Variants in URB2 observed in about 807,000 individuals in gnomAD.
URB2 encodes the protein unhealthy ribosome biogenesis protein 2 homolog.
URB2 carries 86 observed loss-of-function variants against 120.9 expected under a neutral mutation model. The ratio of observed to expected loss-of-function variants is 0.71; its 90% confidence interval spans 0.60 to 0.85. The LOEUF (loss-of-function observed/expected upper bound fraction) is 0.85, where lower values mean the gene tolerates loss of function less well. Ranked by LOEUF, URB2 falls within the 40% of genes least tolerant of loss-of-function variation. The probability of loss-of-function intolerance (pLI) is 0.00; values close to 1 mark genes in which losing one functional copy is unlikely to be tolerated. For missense variants in URB2, 1,765 were observed against 1,836.5 expected, an observed-to-expected ratio of 0.96 and a Z score of 0.71; for synonymous variants, 755 against 758.4, an observed-to-expected ratio of 1.00 and a Z score of 0.07.
At chr1:229,631,496 A>C (rs1408393329) in intron 2 of URB2, among the ~76,000 whole-genome samples, 1 of 152,192 alleles carries the variant, frequency 6.6e-6, no homozygotes, top group East Asian at 1.9e-4. Flanking sequence ...ACTAAGCTTA[A>C]TTATTTTTAG....
At chr1:229,639,590 C>A (rs1665951318) in intron 4 of URB2, among the ~76,000 whole-genome samples, 2 of 152,178 alleles carry the variant, frequency 1.3e-5, no homozygotes, top group Non-Finnish European at 2.9e-5. Context: ...CCCACCTCAG[C>A]CTCCCAAAGT....
intron 9 of URB2, 66 bp from the exon 10 acceptor site, chr1:229,659,034 T>C: frequency 6.6e-7 from 1 of 1,523,678 alleles, no homozygotes; most frequent in South Asian, 1.2e-5. Flanking sequence ...CAAGGCATTG[T>C]TGGCAGGTGG....
intron 5 of URB2, 129 bp downstream of exon 5, chr1:229,643,822 G>C (rs1020970701): frequency 1.6e-6 from 2 of 1,280,344 alleles, no homozygotes; most frequent in Non-Finnish European, 2.1e-6. Context: ...TCTAGGCAAA[G>C]GGGGAGGCTG....
At position 229,636,835 on chromosome 1, in the gene URB2, A is replaced by G; in HGVS notation, c.2222A>G (p.His741Arg). ...CTCACATACCCTGTAGCACACTGGC[A>G]CTTGATTGTGTCAAATCTCACAATT... ...SGLTYPVAHW[H>R]LIVSNLTILI... Residue 741 changes from histidine (H) to arginine (R), a missense_variant, in exon 4 of 10, where the codon CAC (histidine) becomes CGC (arginine). Coordinates refer to ENST00000258243, the MANE Select transcript of URB2 (RefSeq NM_014777.4). The G allele has an allele frequency of 6.2e-7, 1 of 1,611,578 alleles. No individual in the cohort carries two copies. Among genetic ancestry groups the G allele is most frequent in the Non-Finnish European group, 8.5e-7 (1 of 1,177,988 alleles).
At chr1:229,643,897 C>T (rs911178985) in intron 5 of URB2, among the ~76,000 whole-genome samples, 7 of 152,212 alleles carry the variant, frequency 4.6e-5, no homozygotes, top group African/African-American at 7.2e-5. Flanking sequence ...AGTTTTCAAA[C>T]GGGAAGTTTT....
At position 229,632,746 on chromosome 1, in the gene URB2, CTTT is replaced by C. The variant is rs994218709; in HGVS notation, c.303+302_303+304del. On this transcript the variant is annotated intron_variant, in intron 3 of 9. Transcript: ENST00000258243. ...GCTTCTCTGATTTGTTTTTCTTCTT[CTTT>C]ACCTTTCTTTTGGGCTAGAGGGAGA... Among the ~76,000 whole-genome samples the C allele has an allele frequency of 4.0e-5, 6 of 150,406 alleles. 1 individual carries two copies. Among genetic ancestry groups the C allele is most frequent in the African/African-American group, 9.8e-5 (4 of 40,866 alleles).
intron 9 of URB2, among the ~76,000 whole-genome samples, chr1:229,658,784 A>T (rs542156877): frequency 1.3e-5 from 2 of 152,306 alleles, no homozygotes; most frequent in African/African-American, 4.8e-5. Flanking sequence ...CCAGTTTTTT[A>T]AAATGCCCCT....
rs531090167 is a variant in URB2 at position 229,638,051 on chromosome 1, G to A, written c.3438G>A (p.Thr1146=). 1.3e-5 allele frequency: 21 copies of A among 1,613,800 alleles called. No individual in the cohort carries two copies. Among genetic ancestry groups the A allele is most frequent in the East Asian group, 8.9e-5 (4 of 44,868 alleles). The part of the protein sequence containing the change: ...GADISQGSDR[T]LLSHVALYQG... ...ACATTTCCCAAGGAAGCGACAGGAC[G>A]CTGCTCTCCCATGTTGCCCTCTACC... The change falls in exon 4 of 10, where the codon ACG becomes ACA. Residue 1146 remains threonine (T), a synonymous_variant. Transcript: ENST00000258243.
intron 7 of URB2, among the ~76,000 whole-genome samples, chr1:229,650,464 T>C (rs1338363944): frequency 6.6e-6 from 1 of 152,098 alleles, no homozygotes; most frequent in Non-Finnish European, 1.5e-5. Flanking sequence ...GGAGTCTCGC[T>C]CTGTCACTCA....
chr1:229,643,227 G>C (rs1666055521), intron 4 of URB2, among the ~76,000 whole-genome samples: 1 of 152,202 alleles, frequency 6.6e-6, no homozygotes. Flanking sequence ...TTCAAACATT[G>C]TTCAAGGGTC....
intron 9 of URB2, among the ~76,000 whole-genome samples, chr1:229,655,716 T>A (rs1219756683): frequency 6.6e-6 from 1 of 152,242 alleles, no homozygotes; most frequent in Non-Finnish European, 1.5e-5. Context: ...TCTTCTTCTG[T>A]ATGTATAGAT....
rs1254151663 is a variant in URB2, at chr1:229,637,143, A to G, written c.2530A>G (p.Lys844Glu). The G allele has an allele frequency of 1.2e-6, 2 of 1,613,168 alleles. No homozygotes were observed. Among genetic ancestry groups the G allele is most frequent in the South Asian group, 2.2e-5 (2 of 91,038 alleles). ...VSQQLPWLFE[K>E]DHMVVGHWEN... ...TCAGCAGCTTCCCTGGCTTTTTGAA[A>G]AGGACCACATGGTTGTGGGTCATTG... is the stretch of plus-strand genomic sequence containing the variant. The change falls in exon 4 of 10, where the codon AAG (lysine) becomes GAG (glutamate). Residue 844 changes from lysine (K) to glutamate (E), a missense_variant. Transcript: ENST00000258243.
At chr1:229,655,641 G>A (rs1325308424) in intron 9 of URB2, among the ~76,000 whole-genome samples, 1 of 152,204 alleles carries the variant, frequency 6.6e-6, no homozygotes, top group Non-Finnish European at 1.5e-5. Flanking sequence ...AATCTATGCT[G>A]TATAAATCTT....
Position 229,635,632 on chromosome 1 carries a change from T to A in URB2, c.1019T>A (p.Leu340Gln). ...TTTGGCTGCTTGAAGATTTCACACC[T>A]GCAGGAGGAGCAGAGCAAAGCCCTG... is the stretch of plus-strand genomic sequence containing the variant. ...RLFGCLKISH[L>Q]QEEQSKALST... is the part of the protein sequence containing the mutation. The change falls in exon 4 of 10, where the codon CTG (leucine) becomes CAG (glutamine). Residue 340 changes from leucine (L) to glutamine (Q), a missense_variant. Coordinates refer to ENST00000258243, the MANE Select transcript of URB2 (RefSeq NM_014777.4). The A allele has an allele frequency of 6.2e-7, 1 of 1,614,078 alleles. No homozygotes were observed. The highest frequency in any genetic ancestry group is 1.1e-5 in the South Asian group (1 of 91,074).
At chr1:229,645,737 G>A in intron 5 of URB2, 122 bp from the exon 6 acceptor site, 1 of 824,906 alleles carries the variant, frequency 1.2e-6, no homozygotes, top group Non-Finnish European at 2.0e-6. Context: ...CACCTCCCCT[G>A]ACACCAGGGC....
At chr1:229,659,003 A>C in intron 9 of URB2, 97 bp from the exon 10 acceptor site, 1 of 1,237,218 alleles carries the variant, frequency 8.1e-7, no homozygotes, top group African/African-American at 1.5e-5. Flanking sequence ...GGTCAGTTTG[A>C]AATTACTTGT....
Position 229,635,380 on chromosome 1 carries a change from A to C in URB2, c.767A>C (p.Glu256Ala). ...CCTGAGCTACTGTCATCCTACAAGG[A>C]GGGGCTCTTGGACCAGCAGCAAGGG... ...FQPELLSSYK[E>A]GLLDQQQGDV... The change falls in exon 4 of 10, where the codon GAG becomes GCG. Residue 256 changes from glutamate to alanine, a missense_variant. By Grantham distance (107) the Glu-to-Ala change is moderately radical. Coordinates refer to ENST00000258243, the MANE Select transcript of URB2 (RefSeq NM_014777.4). The C allele has an allele frequency of 3.1e-6, 5 of 1,614,100 alleles. No homozygotes were observed. Among genetic ancestry groups the C allele is most frequent in the Non-Finnish European group, 4.2e-6 (5 of 1,180,002 alleles).
Position 229,660,053 on chromosome 1 carries a change from C to A in URB2, c.*756C>A, listed in dbSNP as rs531935018. The stretch of plus-strand genomic sequence containing the variant: ...AAAAATAAAAGGATAATTTAAAAAA[C>A]TCATTCATAGTCTCAGTTACCCAGA... On this transcript the variant is annotated 3_prime_UTR_variant, in exon 10 of 10. Transcript: ENST00000258243. 1.5e-4 allele frequency: 23 copies of A among 152,220 alleles called. No individual in the cohort carries two copies. The East Asian group carries it at 3.5e-3, about 23-fold the overall frequency. The allele number at this position is 152,220 out of a possible 1,614,324, so 9.4% of individuals were successfully genotyped here.
rs1665763979 is a variant in URB2, at chr1:229,635,181, C to G, written c.568C>G (p.Pro190Ala). Residue 190 changes from proline to alanine, a missense_variant, in exon 4 of 10, where the codon CCA (proline) becomes GCA (alanine). Pro to Ala is a conservative substitution (Grantham distance 27, BLOSUM62 -1). Transcript: ENST00000258243. The stretch of plus-strand genomic sequence containing the variant: ...CTTGATCCTGCAGCAGCAGGTCAAC[C>G]CAAGACGTGCCTTTGGGGATGTGAC... ...YLLILQQQVNPRRAFGDVTAH... is the reference protein window; with the variant it reads ...YLLILQQQVNARRAFGDVTAH... 2 of 1,614,118 alleles carry G rather than the reference C, an allele frequency of 1.2e-6. No homozygotes were observed. The highest frequency in any genetic ancestry group is 1.3e-5 in the African/African-American group (1 of 74,946).
Sources: allele counts gnomAD v4.1 joint callset (sites outside exome capture counted in the v4.1 genomes callset), GRCh38; gene constraint gnomAD v4.1.1; transcripts MANE v1.5; gene names NCBI Gene and HGNC (gene_info 2026-07-23, HGNC 2026-07-21).